Variants in JAK3 observed in about 807,000 individuals in gnomAD.
JAK3 encodes the protein tyrosine-protein kinase JAK3.
Under a neutral mutation model 120.8 loss-of-function variants are expected in JAK3, and 88 were observed. The ratio of observed to expected loss-of-function variants is 0.73; its 90% confidence interval spans 0.61 to 0.87. JAK3 has a LOEUF of 0.87. JAK3 is among the 40% of genes least tolerant of loss of function. The pLI is 0.00. For synonymous variants in JAK3, 592 were observed against 628.6 expected, an observed-to-expected ratio of 0.94 and a Z score of 0.87; for missense variants, 1,254 against 1,501.4, an observed-to-expected ratio of 0.84 and a Z score of 2.72.
rs942960531 is a variant in JAK3, at chr19:17,843,152, A to G, written c.441T>C (p.Ser147=). ...LFAQHRSDLV[S]GRLPVGLSLK... is the part of the protein sequence containing the mutation. ...GACTGAGGCCCACGGGGAGGCGCCC[A>G]CTCACCAGGTCACTGCGGTGCTGGG... The change falls in exon 5 of 24, where the codon AGT becomes AGC. Residue 147 remains serine, a synonymous_variant. Transcript: ENST00000458235. This position sits in a 1 kb window ranked among gnomAD's most constrained non-coding sequence, Gnocchi z 5.4. The G allele has an allele frequency of 6.2e-7, 1 of 1,606,748 alleles. No homozygotes were observed. The highest frequency in any genetic ancestry group is 1.3e-5 in the African/African-American group (1 of 74,838).
chr19:17,831,187 C>T lies in JAK3; in HGVS notation c.2978+41G>A, dbSNP rs201674741. 1.3e-5 allele frequency: 20 copies of T among 1,596,068 alleles called. 2 individuals carry two copies. In the South Asian group the frequency reaches 2.2e-4, roughly 18 times the overall value. On this transcript the variant is annotated intron_variant, in intron 21 of 23. Coordinates refer to ENST00000458235, the MANE Select transcript of JAK3 (RefSeq NM_000215.4). The surrounding 1 kb of genome is among the most constrained non-coding windows in gnomAD (Gnocchi z 5.1). ...GGCATGGCTGGGGGCGGAGCCAGAGCCGTGGGGAATAGGGGCGGAGCCTAG... is the reference window on the plus strand; with the variant it reads ...GGCATGGCTGGGGGCGGAGCCAGAGTCGTGGGGAATAGGGGCGGAGCCTAG...
rs1568402703 is a variant in JAK3, at chr19:17,834,652, G to C, written c.2269C>G (p.Gln757Glu). The change falls in exon 17 of 24, where the codon CAA (glutamine) becomes GAA (glutamate). Residue 757 changes from glutamine to glutamate, a missense_variant. This residue lies in a region of JAK3 where 630 missense variants were observed against 819.8 expected (regional missense o/e 0.77). Transcript: ENST00000458235. Reference protein sequence around the residue: ...PKWTELALLIQQCMAYEPVQR... With the variant: ...PKWTELALLIEQCMAYEPVQR... Reference sequence around the variant, plus strand: ...ACCGGCTCATAGGCCATGCACTGTTGAATCAGCAGGGCCAGCTCTGTCCAC... The same window carrying C: ...ACCGGCTCATAGGCCATGCACTGTTCAATCAGCAGGGCCAGCTCTGTCCAC... 6.2e-7 allele frequency: 1 copy of C among 1,613,764 alleles called. No homozygotes were observed. The highest frequency in any genetic ancestry group is 8.5e-7 in the Non-Finnish European group (1 of 1,179,922).
intron 1 of JAK3, among the ~76,000 whole-genome samples, chr19:17,845,886 A>C (rs2094251144): frequency 6.6e-6 from 1 of 151,986 alleles, no homozygotes; most frequent in African/African-American, 2.4e-5. Flanking sequence ...GTGCAGTGGC[A>C]CAATCTCGGC....
intron 8 of JAK3, among the ~76,000 whole-genome samples, chr19:17,840,780 A>G (rs896182405): frequency 6.6e-6 from 1 of 151,608 alleles, no homozygotes; most frequent in African/African-American, 2.4e-5. Context: ...AAAAGAAAAA[A>G]GAAAATCAGC....
In JAK3 at chr19:17,839,488, G is replaced by A; in HGVS notation, c.1430C>T (p.Pro477Leu). The A allele has an allele frequency of 1.3e-6, 2 of 1,584,870 alleles. No homozygotes were observed. The highest frequency in any genetic ancestry group is 1.7e-6 in the Non-Finnish European group (2 of 1,164,744). The change falls in exon 10 of 24, where the codon CCC becomes CTC. Residue 477 changes from proline to leucine, a missense_variant. Transcript: ENST00000458235. ...AGGAAGGGGCTCACCTTTGGGTCTG[G>A]GGATACAGCAGGAAGTGAGGGTCAC... is the stretch of plus-strand genomic sequence containing the variant. ...VAVTLTSCCI[P>L]RPKEKSNLIV...
rs200731212 is a variant in JAK3, at chr19:17,841,709, C to G, written c.915G>C (p.Gln305His). 2.5e-6 allele frequency: 4 copies of G among 1,613,214 alleles called. No individual in the cohort carries two copies. The highest frequency in any genetic ancestry group is 3.4e-6 in the Non-Finnish European group (4 of 1,179,992). Residue 305 changes from glutamine (Q) to histidine (H), a missense_variant, in exon 7 of 24, where the codon CAG becomes CAC. This residue lies in a region of JAK3 where 486 missense variants were observed against 503.0 expected (regional missense o/e 0.97). Coordinates refer to ENST00000458235, the MANE Select transcript of JAK3 (RefSeq NM_000215.4). This position sits in a 1 kb window ranked among gnomAD's most constrained non-coding sequence, Gnocchi z 4.1. Reference sequence around the variant, plus strand: ...CTCCGGCCGGGCCAACGCGCGGGGCCTGCTTGATGCTAATGTCTACGATTT... The same window carrying G: ...CTCCGGCCGGGCCAACGCGCGGGGCGTGCTTGATGCTAATGTCTACGATTT... Reference protein sequence around the residue: ...FPEIVDISIKQAPRVGPAGEH... With the variant: ...FPEIVDISIKHAPRVGPAGEH...
chr19:17,826,645 C>G lies in JAK3; in HGVS notation c.*98G>C. The G allele has an allele frequency of 7.5e-7, 1 of 1,331,656 alleles. No individual in the cohort carries two copies. Among genetic ancestry groups the G allele is most frequent in the Non-Finnish European group, 1.1e-6 (1 of 923,280 alleles). 82.5% of individuals were successfully genotyped at this position (1,331,656 alleles called of 1,614,324 possible). ...ATGGGGGTGTTCCTGAAGTAGAGGA[C>G]CCTCATAAGGCCTCTGAGGCCCAGA... On this transcript the variant is annotated 3_prime_UTR_variant, in exon 24 of 24. Coordinates refer to ENST00000458235, the MANE Select transcript of JAK3 (RefSeq NM_000215.4).
In JAK3 at chr19:17,840,530, G is replaced by A. The variant is rs1338325341; in HGVS notation, c.1143-189C>T. Reference sequence around the variant, plus strand: ...TGTAATCCCAGCATTTTGGGAGGCCGAGGCAGGTGGATCACGAGGTCAGGA... The same window carrying A: ...TGTAATCCCAGCATTTTGGGAGGCCAAGGCAGGTGGATCACGAGGTCAGGA... On this transcript the variant is annotated intron_variant, in intron 8 of 23. Transcript: ENST00000458235. Among the ~76,000 whole-genome samples, 5 of 151,486 alleles carry A rather than the reference G, an allele frequency of 3.3e-5. No homozygotes were observed. In the Middle Eastern group the frequency reaches 0.01, roughly 311 times the overall value.
At position 17,831,334 on chromosome 19, in the gene JAK3, C is replaced by G. The variant is rs749741343; in HGVS notation, c.2872G>C (p.Glu958Gln). The change falls in exon 21 of 24, where the codon GAG becomes CAG. Residue 958 changes from glutamate to glutamine, a missense_variant. Physicochemically the swap from Glu to Gln is conservative, Grantham distance 29. This residue lies in a region of JAK3 where 630 missense variants were observed against 819.8 expected (regional missense o/e 0.77). Transcript: ENST00000458235. This position sits in a 1 kb window ranked among gnomAD's most constrained non-coding sequence, Gnocchi z 5.1. ...RDLAARNILV[E>Q]SEAHVKIADF... is the part of the protein sequence containing the mutation. ...GCGATCTTGACGTGTGCCTCGCTCT[C>G]CACGAGGATGTTTCGGGCGGCCAGG... The G allele has an allele frequency of 3.7e-6, 6 of 1,611,822 alleles. No individual in the cohort carries two copies. Among genetic ancestry groups the G allele is most frequent in the Non-Finnish European group, 5.1e-6 (6 of 1,179,826 alleles).
chr19:17,847,924 C>T (rs1212469578), intron 1 of JAK3, 22 bp downstream of exon 1: 1 of 1,008,764 alleles, frequency 9.9e-7, no homozygotes, highest in African/African-American at 1.7e-5. Flanking sequence ...GGGCCGAGCC[C>T]TGCGGCATCG....
At chr19:17,837,035 T>TG (rs752296054) in intron 13 of JAK3, 94 bp downstream of exon 13, 1 of 829,406 alleles carries the variant, frequency 1.2e-6, no homozygotes, top group South Asian at 1.4e-5. Context: ...AGTGTGTTGC[T>TG]GGGGCTGTCA....
At chr19:17,839,388 G>A in intron 10 of JAK3, 89 bp downstream of exon 10, 4 of 1,286,936 alleles carry the variant, frequency 3.1e-6, no homozygotes, top group Non-Finnish European at 3.3e-6. Flanking sequence ...TGCAGTTTCT[G>A]CCACTTGCCA....
rs746774754 is a variant in JAK3, at chr19:17,844,196, T to A, written c.184+38A>T. On this transcript the variant is annotated intron_variant, in intron 2 of 23. Transcript: ENST00000458235. ...CCAATCTTGGCCCCACACAGCCCCA[T>A]CCTTCCCTCTGGCCCGATCCACTAG... 1.9e-5 allele frequency: 30 copies of A among 1,545,782 alleles called. No homozygotes were observed. In the South Asian group the frequency reaches 2.8e-4, roughly 15 times the overall value.
In JAK3 at chr19:17,832,273, AAAC is replaced by A. The variant is rs200563014; in HGVS notation, c.2680+243_2680+245del. Among the ~76,000 whole-genome samples, 965 of 152,222 alleles carry A rather than the reference AAAC, an allele frequency of 6.3e-3. 15 individuals are homozygous for A. The highest frequency in any genetic ancestry group is 0.022 in the African/African-American group (899 of 41,522). On this transcript the variant is annotated intron_variant, in intron 19 of 23. Transcript: ENST00000458235. This position sits in a 1 kb window ranked among gnomAD's most constrained non-coding sequence, Gnocchi z 4.7. ...GAGACTCTGTCTCAAAAAAACAAACAAACAACAACAACAACAAAGTAAATATCA... is the reference window on the plus strand; with the variant it reads ...GAGACTCTGTCTCAAAAAAACAAACAAACAACAACAACAAAGTAAATATCA...
At chr19:17,827,717 TAAAAAAAAAAAAAAAAAAAA>T (rs760856974) in intron 23 of JAK3, among the ~76,000 whole-genome samples, 1,387 of 77,670 alleles carry the variant, frequency 0.018, 39 homozygotes, top group Non-Finnish European at 0.022. Flanking sequence ...CCATCTTAAC[TAAAAAAAAAAAAAAAAAAAA>T]AAAAAAAAAA....
rs150031745 is a variant in JAK3, at chr19:17,829,621, G to A, written c.3207+487C>T. On this transcript the variant is annotated intron_variant, in intron 23 of 23. Coordinates refer to ENST00000458235, the MANE Select transcript of JAK3 (RefSeq NM_000215.4). The stretch of plus-strand genomic sequence containing the variant: ...AAAATTATTTTTAAATTAGCCAAGT[G>A]TGGTGGTGTACACCTGTAGCTCCTG... Among the ~76,000 whole-genome samples the A allele has an allele frequency of 9.1e-3, 1,384 of 152,226 alleles. 31 individuals are homozygous for A. The highest frequency in any genetic ancestry group is 0.032 in the African/African-American group (1,322 of 41,540).
In JAK3 at chr19:17,826,601, C is replaced by G; in HGVS notation, c.*142G>C. On this transcript the variant is annotated 3_prime_UTR_variant, in exon 24 of 24. Transcript: ENST00000458235. ...CAGGCTATTCTACAGGCCACGGGAG[C>G]CCCCCCAAATGCAATGTCATGGGGG... The G allele has an allele frequency of 1.1e-6, 1 of 902,732 alleles. No individual in the cohort carries two copies. The highest frequency in any genetic ancestry group is 1.8e-6 in the Non-Finnish European group (1 of 541,302). 55.9% of individuals were successfully genotyped at this position (902,732 alleles called of 1,614,324 possible). A position where few individuals can be genotyped will look rare whatever the true frequency, so the allele number is the denominator to read the frequency against.
At chr19:17,847,592 G>A (rs1156346846) in intron 1 of JAK3, among the ~76,000 whole-genome samples, 1 of 152,138 alleles carries the variant, frequency 6.6e-6, no homozygotes, top group Non-Finnish European at 1.5e-5. Context: ...CGGGTACCCT[G>A]TGTCTGGACC....
In JAK3 at chr19:17,836,006, T is replaced by C; in HGVS notation, c.1832A>G (p.Tyr611Cys). 6.2e-7 allele frequency: 1 copy of C among 1,614,138 alleles called. No individual in the cohort carries two copies. Among genetic ancestry groups the C allele is most frequent in the Non-Finnish European group, 8.5e-7 (1 of 1,180,032 alleles). ...CACCAGGTGGCCACGTTTTCGCAGATACATGTCTATGGCCCCCAGGTGTAC... is the reference window on the plus strand; with the variant it reads ...CACCAGGTGGCCACGTTTTCGCAGACACATGTCTATGGCCCCCAGGTGTAC... ...EFVHLGAIDM[Y>C]LRKRGHLVPA... Residue 611 changes from tyrosine to cysteine, a missense_variant, in exon 14 of 24, where the codon TAT becomes TGT. Physicochemically the swap from Tyr to Cys is radical, Grantham distance 194. Coordinates refer to ENST00000458235, the MANE Select transcript of JAK3 (RefSeq NM_000215.4).
Sources: allele counts gnomAD v4.1 joint callset (sites outside exome capture counted in the v4.1 genomes callset), GRCh38; gene constraint gnomAD v4.1.1; regional missense constraint gnomAD v4.1.1; non-coding constraint Gnocchi (gnomAD v3.1); transcripts MANE v1.5; gene names NCBI Gene and HGNC (gene_info 2026-07-23, HGNC 2026-07-21).